CSMD1: variants seen among roughly 807,000 people sequenced by gnomAD.
The protein encoded by CSMD1 is CUB and Sushi multiple domains 1, also known as CUB and sushi domain-containing protein 1.
CSMD1 carries 213 observed loss-of-function variants against 417.5 expected under a neutral mutation model. The ratio of observed to expected loss-of-function variants is 0.51; its 90% CI spans 0.46 to 0.57. The LOEUF (loss-of-function observed/expected upper bound fraction) is 0.57. Among genes scored for constraint, CSMD1 ranks in the 20% least tolerant of loss-of-function variants. The pLI, the probability that CSMD1 is intolerant of heterozygous loss-of-function variation, is 0.00. For missense variants in CSMD1, 6,923 were observed against 4,529.7 expected (o/e 1.53, Z -15.17); for synonymous variants, 2,862 against 1,736.8 (o/e 1.65, Z -16.11).
intron 2 of CSMD1, among the ~76,000 whole-genome samples, chr8:4,457,122 G>A (rs886271729): frequency 3.3e-5 from 5 of 151,972 alleles, no homozygotes; most frequent in African/African-American, 1.2e-4. Context: ...TTCTTACTGT[G>A]AAAGAGTTAT....
intron 33 of CSMD1, among the ~76,000 whole-genome samples, chr8:3,198,296 G>A (rs891315526): frequency 7.2e-5 from 11 of 152,162 alleles, no homozygotes; most frequent in African/African-American, 2.4e-4. Flanking sequence ...AGTGTTTCCA[G>A]GAGAAAAAAT....
At chr8:3,301,666 C>A (rs182601466) in intron 25 of CSMD1, among the ~76,000 whole-genome samples, 1 of 152,060 alleles carries the variant, frequency 6.6e-6, no homozygotes, top group Admixed American at 6.6e-5. Flanking sequence ...GTCCTGAAGT[C>A]GAAAGTATCC....
intron 1 of CSMD1, among the ~76,000 whole-genome samples, chr8:4,861,977 T>TAA (rs1408709150): frequency 2.6e-5 from 4 of 152,178 alleles, no homozygotes; most frequent in Admixed American, 6.5e-5. Flanking sequence ...TATTATGCAT[T>TAA]AACTAGTATT....
chr8:4,486,385 C>T (rs979941837), intron 2 of CSMD1, among the ~76,000 whole-genome samples: 2 of 150,584 alleles, frequency 1.3e-5, no homozygotes, highest in East Asian at 3.9e-4. Flanking sequence ...ATCTCCTTCT[C>T]ATTTTTACTT....
intron 5 of CSMD1, among the ~76,000 whole-genome samples, chr8:3,806,243 G>A (rs887205278): frequency 6.6e-6 from 1 of 152,112 alleles, no homozygotes; most frequent in Non-Finnish European, 1.5e-5. Flanking sequence ...AGTACATGCA[G>A]GTTGTTTTCA....
At chr8:3,407,418 A>T (rs562074631) in intron 14 of CSMD1, among the ~76,000 whole-genome samples, 19 of 150,900 alleles carry the variant, frequency 1.3e-4, no homozygotes, top group African/African-American at 4.4e-4. Context: ...AATGGATGGA[A>T]GGATGGATGG....
chr8:4,585,834 G>A lies in CSMD1; in HGVS notation c.302+51508C>T, dbSNP rs529124459. ...GTAAATACTCTTTAGTCCTTTTCAGGTCGAATAAAAATTATATTAGATGAA... is the reference window on the plus strand; with the variant it reads ...GTAAATACTCTTTAGTCCTTTTCAGATCGAATAAAAATTATATTAGATGAA... On this transcript the variant is annotated intron_variant, in intron 2 of 69. Coordinates refer to ENST00000635120, the MANE Select transcript of CSMD1 (RefSeq NM_033225.6). Among the ~76,000 whole-genome samples the A allele has an allele frequency of 3.9e-5, 6 of 152,160 alleles. No individual in the cohort carries two copies. The East Asian group carries it at 1.2e-3, about 29-fold the overall frequency.
At chr8:3,529,614 T>C (rs1233524993) in intron 10 of CSMD1, among the ~76,000 whole-genome samples, 1 of 152,214 alleles carries the variant, frequency 6.6e-6, no homozygotes. Flanking sequence ...TGACGCCTAG[T>C]TCGTGATTTG....
At chr8:4,281,259 C>A (rs1414148046) in intron 3 of CSMD1, among the ~76,000 whole-genome samples, 1 of 152,168 alleles carries the variant, frequency 6.6e-6, no homozygotes, top group East Asian at 1.9e-4. Context: ...TTAAAATAAC[C>A]TCTCGACAGC....
intron 1 of CSMD1, among the ~76,000 whole-genome samples, chr8:4,795,448 T>A (rs1797926785): frequency 6.6e-6 from 1 of 151,462 alleles, no homozygotes; most frequent in Non-Finnish European, 1.5e-5. Flanking sequence ...ACTTTTGTAT[T>A]TTTAGTAGAG....
At position 3,107,341 on chromosome 8, in the gene CSMD1, A is replaced by G. The variant is rs560584920; in HGVS notation, c.6835+377T>C. ...GTAATCATCCTTTCAGCCGCAAATG[A>G]TTCAGATTTTTCTCAAGTGCATGAA... is the stretch of plus-strand genomic sequence containing the variant. On this transcript the variant is annotated intron_variant, in intron 45 of 69. Transcript: ENST00000635120. Among the ~76,000 whole-genome samples the G allele has an allele frequency of 1.4e-4, 22 of 152,314 alleles. No individual in the cohort carries two copies. In the South Asian group the frequency reaches 4.3e-3, roughly 30 times the overall value.
At chr8:3,161,648 C>G (rs942219370) in intron 38 of CSMD1, among the ~76,000 whole-genome samples, 1 of 149,004 alleles carries the variant, frequency 6.7e-6, no homozygotes, top group African/African-American at 2.5e-5. Context: ...AAAAAAAACC[C>G]TCTTTATATA....
intron 5 of CSMD1, among the ~76,000 whole-genome samples, chr8:3,974,494 T>G (rs1484674511): frequency 6.6e-6 from 1 of 152,140 alleles, no homozygotes; most frequent in African/African-American, 2.4e-5. Context: ...AGAAAAAAAG[T>G]ATTTATTTTT....
chr8:4,422,437 C>G (rs1333862435), intron 2 of CSMD1, among the ~76,000 whole-genome samples: 1 of 152,088 alleles, frequency 6.6e-6, no homozygotes, highest in African/African-American at 2.4e-5. Context: ...AATTCGGACT[C>G]TGATCCCATA....
intron 1 of CSMD1, among the ~76,000 whole-genome samples, chr8:4,843,274 A>T (rs971828622): frequency 6.6e-6 from 1 of 152,116 alleles, no homozygotes. Context: ...AAAACATCCC[A>T]TCTATGGCCC....
chr8:3,918,570 A>C (rs1808995646), intron 5 of CSMD1, among the ~76,000 whole-genome samples: 1 of 152,248 alleles, frequency 6.6e-6, no homozygotes, highest in South Asian at 2.1e-4. Context: ...CATTTCTTAT[A>C]TATTTTGGAC....
intron 10 of CSMD1, among the ~76,000 whole-genome samples, chr8:3,551,361 A>C (rs867973075): frequency 3.9e-5 from 6 of 152,112 alleles, no homozygotes; most frequent in South Asian, 2.1e-4. Flanking sequence ...TTTGTGAGTC[A>C]TTGGTTTTAA....
chr8:4,177,883 G>A (rs976881992), intron 3 of CSMD1, among the ~76,000 whole-genome samples: 2 of 151,766 alleles, frequency 1.3e-5, no homozygotes, highest in African/African-American at 4.8e-5. Flanking sequence ...AAACCAGGAA[G>A]AAGTTAAATC....
chr8:4,613,893 C>T (rs1391919278), intron 2 of CSMD1, among the ~76,000 whole-genome samples: 1 of 147,580 alleles, frequency 6.8e-6, no homozygotes, highest in African/African-American at 2.5e-5. Flanking sequence ...GTTCCTCAAT[C>T]ACTCCATCTT....
Sources: gnomAD v4.1 joint callset for allele counts (sites outside exome capture counted in the v4.1 genomes callset) on GRCh38, gnomAD v4.1.1 for gene constraint, MANE v1.5 for transcripts, NCBI Gene and HGNC (gene_info 2026-07-23, HGNC 2026-07-21) for gene names.